The following GRIA4 variants were observed in gnomAD, a reference collection of about 807,000 sequenced individuals.
GRIA4 encodes the protein glutamate ionotropic receptor AMPA type subunit 4, also known as glutamate receptor 4.
A neutral mutation model predicts 104.0 loss-of-function variants in GRIA4; 34 were observed. The observed-to-expected ratio is 0.33, with a 90% CI of 0.25 to 0.44. The LOEUF is 0.44. GRIA4 is among the 20% of genes least tolerant of loss of function. The probability of loss-of-function intolerance (pLI) is 1.00; values close to 1 mark genes in which losing one functional copy is unlikely to be tolerated. For missense variants in GRIA4, 750 were observed against 1,096.5 expected (o/e 0.68, Z 4.46); for synonymous variants, 386 against 381.9 (o/e 1.01, Z -0.13).
intron 6 of GRIA4, among the ~76,000 whole-genome samples, chr11:105,888,126 G>A (rs1946331162): frequency 6.6e-6 from 1 of 152,048 alleles, no homozygotes; most frequent in Admixed American, 6.5e-5. Flanking sequence ...AAGGCTCATT[G>A]AATATGTCTT....
chr11:105,968,457 C>T (rs530023492), intron 14 of GRIA4, among the ~76,000 whole-genome samples: 3 of 152,150 alleles, frequency 2.0e-5, no homozygotes, highest in South Asian at 2.1e-4. Context: ...CACTCCAGGC[C>T]GTGCAGTAAT....
intron 6 of GRIA4, among the ~76,000 whole-genome samples, chr11:105,889,984 A>G (rs964815457): frequency 6.6e-6 from 1 of 152,198 alleles, no homozygotes; most frequent in Non-Finnish European, 1.5e-5. Flanking sequence ...GTGATTTAAC[A>G]GTATTAGTAA....
chr11:105,857,133 C>A (rs548234310), intron 4 of GRIA4, among the ~76,000 whole-genome samples: 74 of 152,208 alleles, frequency 4.9e-4, no homozygotes, highest in Non-Finnish European at 8.1e-4. Context: ...GGCCTTTGAA[C>A]ATGTTATTTC....
intron 3 of GRIA4, among the ~76,000 whole-genome samples, chr11:105,680,622 G>A (rs1002915223): frequency 3.3e-5 from 5 of 152,106 alleles, no homozygotes; most frequent in African/African-American, 1.2e-4. Flanking sequence ...ACTGTGGTCT[G>A]TAATGGGGTC....
At chr11:105,716,490 A>T (rs746127077) in intron 3 of GRIA4, among the ~76,000 whole-genome samples, 6 of 152,160 alleles carry the variant, frequency 3.9e-5, no homozygotes, top group African/African-American at 7.2e-5. Context: ...AAAATGTATC[A>T]CAATCACTGA....
chr11:105,804,622 G>A lies in GRIA4; in HGVS notation c.487+51402G>A, dbSNP rs549865583. Among the ~76,000 whole-genome samples, 79 of 152,110 alleles carry A rather than the reference G, an allele frequency of 5.2e-4. 2 individuals carry two copies. The highest frequency in any genetic ancestry group is 1.9e-3 in the African/African-American group (78 of 41,554). ...AATAAGTCACAGCTAACAATAGTTG[G>A]TTGGAATGAAGGGAAAAATTATTAT... On this transcript the variant is annotated intron_variant, in intron 4 of 16. Transcript: ENST00000282499.
intron 6 of GRIA4, 62 bp downstream of exon 6, chr11:105,887,634 C>T: frequency 3.8e-6 from 3 of 787,304 alleles, no homozygotes; most frequent in East Asian, 2.5e-5. Flanking sequence ...ATTATTTTAA[C>T]TGTGCCTTAA....
chr11:105,868,309 G>A (rs535546040), intron 5 of GRIA4, among the ~76,000 whole-genome samples: 1 of 152,282 alleles, frequency 6.6e-6, no homozygotes, highest in South Asian at 2.1e-4. Flanking sequence ...TGAAGCAAAA[G>A]TAGAAGCTGA....
intron 3 of GRIA4, among the ~76,000 whole-genome samples, chr11:105,718,011 A>G (rs1252829237): frequency 6.6e-6 from 1 of 151,892 alleles, no homozygotes; most frequent in Non-Finnish European, 1.5e-5. Flanking sequence ...GCATATTCTC[A>G]CTCATAGGTG....
intron 5 of GRIA4, among the ~76,000 whole-genome samples, chr11:105,884,595 C>T (rs573546020): frequency 1.2e-4 from 18 of 152,298 alleles, no homozygotes; most frequent in African/African-American, 4.3e-4. Context: ...ATGCCTCTAG[C>T]ATCACCAGCC....
intron 3 of GRIA4, among the ~76,000 whole-genome samples, chr11:105,631,924 A>G (rs1192123730): frequency 1.3e-5 from 2 of 152,180 alleles, no homozygotes; most frequent in Non-Finnish European, 2.9e-5. Context: ...GGGGTATAAA[A>G]GAGTGTTGAA....
intron 8 of GRIA4, 80 bp from the exon 9 acceptor site, chr11:105,905,117 G>C (rs140716233): frequency 5.1e-6 from 4 of 781,402 alleles, no homozygotes; most frequent in Non-Finnish European, 9.1e-6. Flanking sequence ...TTTTTAAGTA[G>C]TTATAAGCCC....
intron 14 of GRIA4, among the ~76,000 whole-genome samples, chr11:105,954,501 T>C (rs72981917): frequency 0.071 from 10,756 of 152,236 alleles, 525 homozygotes; most frequent in East Asian, 0.15. Context: ...ACCCAGAGAT[T>C]GTGATTTGTT....
intron 13 of GRIA4, among the ~76,000 whole-genome samples, chr11:105,931,513 G>T (rs997671934): frequency 3.3e-5 from 5 of 151,878 alleles, no homozygotes; most frequent in African/African-American, 9.7e-5. Flanking sequence ...GACCAGCCTG[G>T]CCAACATGAT....
chr11:105,716,983 C>T (rs1246682542), intron 3 of GRIA4, among the ~76,000 whole-genome samples: 1 of 152,128 alleles, frequency 6.6e-6, no homozygotes, highest in African/African-American at 2.4e-5. Context: ...TTTGCCTTTT[C>T]TTACTCTCTG....
chr11:105,738,054 G>A (rs1203159515), intron 3 of GRIA4, among the ~76,000 whole-genome samples: 1 of 149,338 alleles, frequency 6.7e-6, no homozygotes, highest in African/African-American at 2.5e-5. Flanking sequence ...TAACTGCCTG[G>A]ATGCCTCCCT....
chr11:105,627,543 T>C (rs1005541635), intron 3 of GRIA4, among the ~76,000 whole-genome samples: 9 of 152,324 alleles, frequency 5.9e-5, no homozygotes, highest in South Asian at 2.1e-4. Context: ...CCATATCAAA[T>C]ACACTAAGAA....
At chr11:105,614,473 G>A (rs1258103987) in intron 3 of GRIA4, 2 of 151,710 alleles carry the variant, frequency 1.3e-5, no homozygotes, top group East Asian at 1.9e-4. Flanking sequence ...GTTGCATACA[G>A]AATTAAAAAG....
chr11:105,886,134 G>C (rs943561529), intron 5 of GRIA4, among the ~76,000 whole-genome samples: 2 of 152,070 alleles, frequency 1.3e-5, no homozygotes, highest in Non-Finnish European at 2.9e-5. Flanking sequence ...TTCACCAATA[G>C]CCATGTATAC....
Sources: allele counts gnomAD v4.1 joint callset (sites outside exome capture counted in the v4.1 genomes callset), GRCh38; gene constraint gnomAD v4.1.1; transcripts MANE v1.5; gene names NCBI Gene and HGNC (gene_info 2026-07-23, HGNC 2026-07-21).